Variants in ANGPT1 observed in about 807,000 individuals in gnomAD.
ANGPT1 encodes angiopoietin 1, also known as angiopoietin-1.
A neutral mutation model predicts 62.2 loss-of-function variants in ANGPT1; 17 were observed. The observed-to-expected ratio is 0.27, with a 90% CI of 0.19 to 0.41. The LOEUF is 0.41. Among genes scored for constraint, ANGPT1 ranks in the 10% least tolerant of loss-of-function variants. The pLI is 1.00. For missense variants in ANGPT1, 478 were observed against 594.9 expected (o/e 0.80, Z 2.04); for synonymous variants, 199 against 198.9 (o/e 1.00, Z 0.00).
At chr8:107,431,348 T>A (rs769979761) in intron 1 of ANGPT1, among the ~76,000 whole-genome samples, 25 of 150,400 alleles carry the variant, frequency 1.7e-4, no homozygotes, top group Non-Finnish European at 3.2e-4. Flanking sequence ...GACACACACC[T>A]AGGTTGTCAC....
chr8:107,326,050 G>A (rs909983446), intron 3 of ANGPT1, among the ~76,000 whole-genome samples: 5 of 152,138 alleles, frequency 3.3e-5, no homozygotes, highest in East Asian at 1.9e-4. Flanking sequence ...TAGCACGTTA[G>A]ACAGAACATT....
chr8:107,439,769 T>C (rs1022510746), intron 1 of ANGPT1, among the ~76,000 whole-genome samples: 2 of 152,204 alleles, frequency 1.3e-5, no homozygotes, highest in African/African-American at 4.8e-5. Context: ...TGGTTCTTCA[T>C]AGTGTCCATG....
At chr8:107,470,126 A>G (rs11987018) in intron 1 of ANGPT1, among the ~76,000 whole-genome samples, 159 of 152,072 alleles carry the variant, frequency 1.0e-3, no homozygotes, top group Middle Eastern at 6.8e-3. Flanking sequence ...CTGATGTAAT[A>G]TTTTTAAAGT....
intron 1 of ANGPT1, among the ~76,000 whole-genome samples, chr8:107,395,667 C>T (rs1279830814): frequency 1.3e-5 from 2 of 152,142 alleles, no homozygotes; most frequent in South Asian, 4.1e-4. Context: ...TATGTTGTCA[C>T]TTCTATATGT....
intron 8 of ANGPT1, among the ~76,000 whole-genome samples, chr8:107,258,866 A>G (rs1158768196): frequency 6.6e-6 from 1 of 152,204 alleles, no homozygotes; most frequent in Non-Finnish European, 1.5e-5. Context: ...TCACGTTTAT[A>G]CTAACATTCA....
At position 107,383,951 on chromosome 8, in the gene ANGPT1, A is replaced by T. The variant is rs183163741; in HGVS notation, c.298-36854T>A. ...TAATGAAATTTTCAGAAGGAGACAC[A>T]TTAGGCACCTGTAGCTGATATTATT... On this transcript the variant is annotated intron_variant, in intron 1 of 8. Coordinates refer to ENST00000517746, the MANE Select transcript of ANGPT1 (RefSeq NM_001146.5). Among the ~76,000 whole-genome samples, 315 of 152,306 alleles carry T rather than the reference A, an allele frequency of 2.1e-3. 3 individuals carry two copies. The highest frequency in any genetic ancestry group is 5.1e-3 in the Admixed American group (78 of 15,282).
chr8:107,494,735 AAGG>A (rs1162754970), intron 1 of ANGPT1: 1 of 152,174 alleles, frequency 6.6e-6, no homozygotes, highest in Non-Finnish European at 1.5e-5. Flanking sequence ...AAAGTTGAGG[AAGG>A]AGGTTTCCCT....
intron 1 of ANGPT1, among the ~76,000 whole-genome samples, chr8:107,466,839 G>A (rs1812212161): frequency 6.6e-6 from 1 of 152,010 alleles, no homozygotes; most frequent in African/African-American, 2.4e-5. Context: ...TTGAACCCAG[G>A]AGGCCGAGGT....
intron 4 of ANGPT1, among the ~76,000 whole-genome samples, chr8:107,315,653 C>T (rs1302327231): frequency 2.6e-5 from 4 of 151,804 alleles, no homozygotes; most frequent in African/African-American, 9.7e-5. Context: ...TTTTTTTTAA[C>T]CTGTCCCTTA....
Position 107,336,200 on chromosome 8 carries a change from C to T in ANGPT1, c.525G>A (p.Lys175=). 6.2e-7 allele frequency: 1 copy of T among 1,608,968 alleles called. No individual in the cohort carries two copies. Among genetic ancestry groups the T allele is most frequent in the Non-Finnish European group, 8.5e-7 (1 of 1,178,394 alleles). Residue 175 remains lysine (K), a synonymous_variant, in exon 3 of 9, where the codon AAG becomes AAA. Coordinates refer to ENST00000517746, the MANE Select transcript of ANGPT1 (RefSeq NM_001146.5). ...ENSLSTYKLE[K]QLLQQTNEIL... is the part of the protein sequence containing the mutation. Reference sequence around the variant, plus strand: ...TTTCATTTGTCTGTTGAAGAAGTTGCTTCTCTAGCTTGTAGGTGGATAATG... The same window carrying T: ...TTTCATTTGTCTGTTGAAGAAGTTGTTTCTCTAGCTTGTAGGTGGATAATG...
chr8:107,420,315 A>C (rs955922257), intron 1 of ANGPT1, among the ~76,000 whole-genome samples: 3 of 152,158 alleles, frequency 2.0e-5, no homozygotes, highest in Non-Finnish European at 2.9e-5. Flanking sequence ...CCCCCAGTTC[A>C]ATGTAAAAAG....
At chr8:107,423,566 C>G (rs1391347146) in intron 1 of ANGPT1, among the ~76,000 whole-genome samples, 1 of 152,032 alleles carries the variant, frequency 6.6e-6, no homozygotes, top group Non-Finnish European at 1.5e-5. Context: ...TGCTTTCCTC[C>G]CTCTGAGAAC....
At chr8:107,282,553 CATATATATATAT>C (rs753412026) in intron 7 of ANGPT1, among the ~76,000 whole-genome samples, 1,710 of 51,070 alleles carry the variant, frequency 0.033, 48 homozygotes, top group Middle Eastern at 0.057. Context: ...ATATATGAAC[CATATATATATAT>C]ATATATATAT....
chr8:107,287,436 A>T lies in ANGPT1; in HGVS notation c.1039-2588T>A, dbSNP rs537283967. On this transcript the variant is annotated intron_variant, in intron 6 of 8. Transcript: ENST00000517746. ...AGAACGCAGTATAATTTGCATTTAGAAACTAACATTTATTTCGAGCTCCTT... is the reference window on the plus strand; with the variant it reads ...AGAACGCAGTATAATTTGCATTTAGTAACTAACATTTATTTCGAGCTCCTT... 3.3e-5 allele frequency among the ~76,000 whole-genome samples: 5 copies of T among 152,316 alleles called. No individual in the cohort carries two copies. The South Asian group carries it at 6.2e-4, about 19-fold the overall frequency.
At chr8:107,425,545 A>G in intron 1 of ANGPT1, among the ~76,000 whole-genome samples, 1 of 152,186 alleles carries the variant, frequency 6.6e-6, no homozygotes, top group East Asian at 1.9e-4. Context: ...ATAACATCAC[A>G]CTGCTCCTCT....
intron 2 of ANGPT1, among the ~76,000 whole-genome samples, chr8:107,339,196 C>T (rs2130129948): frequency 6.6e-6 from 1 of 152,286 alleles, no homozygotes; most frequent in Non-Finnish European, 1.5e-5. Flanking sequence ...TACCTCAAGT[C>T]TATTTGTCAC....
chr8:107,331,625 T>G (rs1563572866), intron 3 of ANGPT1, among the ~76,000 whole-genome samples: 1 of 152,146 alleles, frequency 6.6e-6, no homozygotes, highest in Non-Finnish European at 1.5e-5. Context: ...GCCTCAGGGC[T>G]TTTTTTAAGT....
At chr8:107,394,365 G>T (rs7014709) in intron 1 of ANGPT1, among the ~76,000 whole-genome samples, 3,961 of 152,260 alleles carry the variant, frequency 0.026, 168 homozygotes, top group African/African-American at 0.088. Flanking sequence ...TAAGAGGCAA[G>T]AAAAGATTAA....
At chr8:107,297,250 A>G (rs1437857285) in intron 5 of ANGPT1, among the ~76,000 whole-genome samples, 1 of 152,038 alleles carries the variant, frequency 6.6e-6, no homozygotes, top group East Asian at 1.9e-4. Flanking sequence ...CATCAATGAT[A>G]ACAGCTGCTC....
Sources: gnomAD v4.1 joint callset for allele counts (sites outside exome capture counted in the v4.1 genomes callset) on GRCh38, gnomAD v4.1.1 for gene constraint, MANE v1.5 for transcripts, NCBI Gene and HGNC (gene_info 2026-07-23, HGNC 2026-07-21) for gene names.